Variants in RBX1 observed in about 807,000 individuals in gnomAD.
The protein encoded by RBX1 is ring-box 1, also known as E3 ubiquitin-protein ligase RBX1.
For synonymous variants in RBX1, 48 were observed against 47.9 expected (o/e 1.00, Z -0.01); for missense variants, 46 against 141.4 (o/e 0.33, Z 3.42).
At chr22:40,970,053 TA>T (rs71328761) in intron 4 of RBX1, among the ~76,000 whole-genome samples, 32,871 of 109,622 alleles carry the variant, frequency 0.3, 4,725 homozygotes, top group East Asian at 0.5. Context: ...AGACCCAATT[TA>T]AAAAAAAAAA....
intron 3 of RBX1, among the ~76,000 whole-genome samples, chr22:40,965,126 A>T (rs1038820185): frequency 6.6e-6 from 1 of 152,002 alleles, no homozygotes; most frequent in Admixed American, 6.6e-5. Flanking sequence ...ACACAGTGAA[A>T]CCCCGTCTCT....
chr22:40,956,519 T>C (rs1267366332), intron 2 of RBX1, among the ~76,000 whole-genome samples: 1 of 151,700 alleles, frequency 6.6e-6, no homozygotes, highest in East Asian at 2.0e-4. Context: ...CCGGCTCATT[T>C]TTTGTATTTT....
At chr22:40,958,307 T>TAAGAAAAAAAAA (rs2058331025) in intron 2 of RBX1, among the ~76,000 whole-genome samples, 1 of 135,702 alleles carries the variant, frequency 7.4e-6, no homozygotes, top group African/African-American at 2.7e-5. Context: ...TGCCATAACT[T>TAAGAAAAAAAAA]AAAAAAAAAA....
chr22:40,951,721 AC>A (rs1428673517), intron 1 of RBX1, among the ~76,000 whole-genome samples: 1 of 146,440 alleles, frequency 6.8e-6, no homozygotes, highest in Admixed American at 6.9e-5. Context: ...TTATTGAGAT[AC>A]GCGGGGTTGC....
chr22:40,961,176 C>T (rs1054411959), intron 2 of RBX1, among the ~76,000 whole-genome samples: 4 of 150,258 alleles, frequency 2.7e-5, no homozygotes, highest in African/African-American at 9.8e-5. Context: ...CAGCCTCAAC[C>T]GCCTGTGCTC....
chr22:40,952,997 T>TC (rs2058315499), intron 1 of RBX1, among the ~76,000 whole-genome samples: 1 of 142,854 alleles, frequency 7.0e-6, no homozygotes, highest in African/African-American at 2.6e-5. Flanking sequence ...TTTTTTTTTT[T>TC]TTTTTTTTTT....
intron 4 of RBX1, among the ~76,000 whole-genome samples, chr22:40,969,421 A>G (rs180875555): frequency 3.9e-4 from 60 of 152,278 alleles, no homozygotes; most frequent in Admixed American, 1.1e-3. Context: ...GTGTAGCTGT[A>G]TCTGGAGCAG....
intron 4 of RBX1, among the ~76,000 whole-genome samples, chr22:40,971,770 T>C (rs1000821220): frequency 6.6e-6 from 1 of 152,100 alleles, no homozygotes; most frequent in Non-Finnish European, 1.5e-5. Context: ...TTGGCCAGGC[T>C]GGTTTTGAAC....
intron 1 of RBX1, among the ~76,000 whole-genome samples, chr22:40,951,772 A>T (rs889560839): frequency 1.6e-5 from 1 of 63,344 alleles, no homozygotes; most frequent in African/African-American, 6.1e-5. Context: ...CTGTCACTGG[A>T]GTGGTTGAGA....
chr22:40,951,937 C>G (rs1044681279), intron 1 of RBX1, among the ~76,000 whole-genome samples: 2 of 151,680 alleles, frequency 1.3e-5, no homozygotes, highest in African/African-American at 4.9e-5. Context: ...TGATCTTGCT[C>G]CGCCCCTTTT....
At position 40,972,714 on chromosome 22, in the gene RBX1, C is replaced by G. The variant is rs756201730; in HGVS notation, c.*226C>G. 3 of 493,076 alleles carry G rather than the reference C, an allele frequency of 6.1e-6. No individual in the cohort carries two copies. Among genetic ancestry groups the G allele is most frequent in the Non-Finnish European group, 1.1e-5 (3 of 271,152 alleles). 30.5% of individuals were successfully genotyped at this position (493,076 alleles called of 1,614,324 possible). A position where few individuals can be genotyped will look rare whatever the true frequency, so the allele number is the denominator to read the frequency against. On this transcript the variant is annotated 3_prime_UTR_variant, in exon 5 of 5. Coordinates refer to ENST00000216225, the MANE Select transcript of RBX1 (RefSeq NM_014248.4). ...AACAAAGTGAACATAAATGAAGAGT[C>G]TCCCCTTCCAAGGCTGAAAACTCAG...
Position 40,960,695 on chromosome 22 carries a change from T to C in RBX1, c.158-3352T>C, listed in dbSNP as rs574060400. Reference sequence around the variant, plus strand: ...CATATTTACTTTTCTCTGCCATTCTTTTAATTATAGTAGTGTATTCCAGTT... The same window carrying C: ...CATATTTACTTTTCTCTGCCATTCTCTTAATTATAGTAGTGTATTCCAGTT... On this transcript the variant is annotated intron_variant, in intron 2 of 4. Transcript: ENST00000216225. Among the ~76,000 whole-genome samples the C allele has an allele frequency of 2.6e-4, 40 of 152,320 alleles. No individual in the cohort carries two copies. The South Asian group carries it at 7.3e-3, about 28-fold the overall frequency.
rs2058310909 is a variant in RBX1 at position 40,951,670 on chromosome 22, T to A, written c.78+194T>A. On this transcript the variant is annotated intron_variant, in intron 1 of 4. Coordinates refer to ENST00000216225, the MANE Select transcript of RBX1 (RefSeq NM_014248.4). ...CGGCGGCCCACTGTTGGGGGAAGTGTTGGTTTCGCTGTGAGGCTAAGGGGC... is the reference window on the plus strand; with the variant it reads ...CGGCGGCCCACTGTTGGGGGAAGTGATGGTTTCGCTGTGAGGCTAAGGGGC... Among the ~76,000 whole-genome samples the A allele has an allele frequency of 4.0e-5, 6 of 151,784 alleles. No individual in the cohort carries two copies. The South Asian group carries it at 1.2e-3, about 32-fold the overall frequency.
rs2058358345 is a variant in RBX1, at chr22:40,967,898, G to C, written c.314+14G>C. On this transcript the variant is annotated intron_variant, in intron 4 of 4. Coordinates refer to ENST00000216225, the MANE Select transcript of RBX1 (RefSeq NM_014248.4). ...GGAATTCCAAAAGTAGGTATCTTTG[G>C]TTGTTTTGACGGGGCTTTTTGACTT... The C allele has an allele frequency of 6.3e-7, 1 of 1,598,264 alleles. No homozygotes were observed. The highest frequency in any genetic ancestry group is 8.6e-7 in the Non-Finnish European group (1 of 1,165,850).
At chr22:40,962,227 A>T (rs962738864) in intron 2 of RBX1, among the ~76,000 whole-genome samples, 1 of 151,340 alleles carries the variant, frequency 6.6e-6, no homozygotes, top group African/African-American at 2.4e-5. Context: ...TCAGCCTCCC[A>T]AGTAACTGGG....
At chr22:40,964,304 A>G in intron 3 of RBX1, 187 bp downstream of exon 3, 1 of 498,166 alleles carries the variant, frequency 2.0e-6, no homozygotes, top group Non-Finnish European at 3.6e-6. Context: ...AATTACAGTT[A>G]CTGCAAAGAG....
rs1049370532 is a variant in RBX1 at position 40,972,707 on chromosome 22, G to C, written c.*219G>C. On this transcript the variant is annotated 3_prime_UTR_variant, in exon 5 of 5. Coordinates refer to ENST00000216225, the MANE Select transcript of RBX1 (RefSeq NM_014248.4). ...GTATGTGAACAAAGTGAACATAAAT[G>C]AAGAGTCTCCCCTTCCAAGGCTGAA... The C allele has an allele frequency of 2.0e-6, 1 of 510,388 alleles. No homozygotes were observed. The allele number at this position is 510,388 out of a possible 1,614,324, so 31.6% of individuals were successfully genotyped here.
chr22:40,953,680 A>G (rs749323985), intron 2 of RBX1, 47 bp downstream of exon 2: 1 of 1,326,748 alleles, frequency 7.5e-7, no homozygotes, highest in Non-Finnish European at 1.1e-6. Flanking sequence ...GGTTGCAGAG[A>G]TTGTGGCTAT....
intron 3 of RBX1, chr22:40,964,425 G>T (rs770549187): frequency 3.9e-6 from 1 of 254,176 alleles, no homozygotes; most frequent in African/African-American, 2.3e-5. Flanking sequence ...GAATATTCTC[G>T]TGGTAGAACT....
Sources: allele counts gnomAD v4.1 joint callset (sites outside exome capture counted in the v4.1 genomes callset), GRCh38; gene constraint gnomAD v4.1.1; transcripts MANE v1.5; gene names NCBI Gene and HGNC (gene_info 2026-07-23, HGNC 2026-07-21).